Variants in TANGO6 observed in about 807,000 individuals in gnomAD.
TANGO6 encodes transport and Golgi organization protein 6 homolog.
Under a neutral mutation model 114.2 loss-of-function variants are expected in TANGO6, and 90 were observed. That is an observed-to-expected ratio of 0.79 (90% CI 0.66 to 0.94). TANGO6 has a LOEUF of 0.94. Among genes scored for constraint, TANGO6 ranks in the 40% least tolerant of loss-of-function variants. The probability of loss-of-function intolerance (pLI) is 0.00; values close to 1 mark genes in which losing one functional copy is unlikely to be tolerated. For synonymous variants in TANGO6, 477 were observed against 509.8 expected (o/e 0.94, Z 0.87); for missense variants, 1,274 against 1,315.3 (o/e 0.97, Z 0.49).
intron 15 of TANGO6, among the ~76,000 whole-genome samples, chr16:68,997,189 C>T (rs1347113719): frequency 3.3e-5 from 5 of 152,132 alleles, no homozygotes; most frequent in Admixed American, 3.3e-4. Flanking sequence ...GCCTAGGCGG[C>T]CATGAGGGTT....
At chr16:68,960,501 C>A (rs1248645940) in intron 14 of TANGO6, among the ~76,000 whole-genome samples, 4 of 151,344 alleles carry the variant, frequency 2.6e-5, no homozygotes, top group Admixed American at 6.6e-5. Flanking sequence ...AATTATTATT[C>A]TTATTTATTT....
At chr16:69,028,847 C>T in intron 16 of TANGO6, among the ~76,000 whole-genome samples, 1 of 142,312 alleles carries the variant, frequency 7.0e-6, no homozygotes, top group Non-Finnish European at 1.5e-5. Context: ...ACCACCATGC[C>T]CAGTTTAACA....
At chr16:68,893,480 C>T (rs192237157) in intron 7 of TANGO6, among the ~76,000 whole-genome samples, 1 of 152,218 alleles carries the variant, frequency 6.6e-6, no homozygotes, top group Non-Finnish European at 1.5e-5. Flanking sequence ...TGGCTCATGC[C>T]TGTAATCCCA....
intron 14 of TANGO6, among the ~76,000 whole-genome samples, chr16:68,941,245 G>C (rs1459032410): frequency 1.3e-5 from 2 of 152,178 alleles, no homozygotes; most frequent in African/African-American, 4.8e-5. Flanking sequence ...CTGTCAACTT[G>C]TTGGAAATGA....
At chr16:68,843,918 A>C (rs1309997887) in intron 1 of TANGO6, among the ~76,000 whole-genome samples, 1 of 152,172 alleles carries the variant, frequency 6.6e-6, no homozygotes, top group Admixed American at 6.5e-5. Flanking sequence ...GGATCCGTTG[A>C]CTGCTGATAT....
intron 7 of TANGO6, among the ~76,000 whole-genome samples, chr16:68,890,629 T>A (rs1962599708): frequency 6.6e-6 from 1 of 152,200 alleles, no homozygotes; most frequent in Non-Finnish European, 1.5e-5. Context: ...ACGCCTATAA[T>A]CCCAGCACAC....
intron 14 of TANGO6, among the ~76,000 whole-genome samples, chr16:68,940,851 T>C (rs1963346430): frequency 6.6e-6 from 1 of 152,208 alleles, no homozygotes; most frequent in Non-Finnish European, 1.5e-5. Flanking sequence ...ACATAATTTA[T>C]TTTTTACATT....
chr16:68,891,010 G>A (rs1273398216), intron 7 of TANGO6, among the ~76,000 whole-genome samples: 1 of 143,960 alleles, frequency 6.9e-6, no homozygotes, highest in Non-Finnish European at 1.5e-5. Flanking sequence ...GGGCAACAGA[G>A]TGAGACTCCA....
chr16:68,919,763 G>T (rs190702046), intron 12 of TANGO6, among the ~76,000 whole-genome samples: 1 of 152,082 alleles, frequency 6.6e-6, no homozygotes, highest in Non-Finnish European at 1.5e-5. Flanking sequence ...TATTGGCCGG[G>T]TGCGGTGGCT....
intron 17 of TANGO6, among the ~76,000 whole-genome samples, chr16:69,056,649 T>G (rs1450717996): frequency 6.6e-6 from 1 of 152,072 alleles, no homozygotes; most frequent in Non-Finnish European, 1.5e-5. Flanking sequence ...CAGGCCAAGT[T>G]CCTTGAAAGA....
intron 14 of TANGO6, among the ~76,000 whole-genome samples, chr16:68,966,638 T>G (rs943143570): frequency 6.6e-6 from 1 of 152,128 alleles, no homozygotes; most frequent in Admixed American, 6.5e-5. Flanking sequence ...AGGGTCTCCC[T>G]TTGTCACAAA....
At chr16:68,923,025 G>A (rs916229366) in intron 12 of TANGO6, among the ~76,000 whole-genome samples, 6 of 130,640 alleles carry the variant, frequency 4.6e-5, no homozygotes, top group African/African-American at 1.7e-4. Context: ...TCGGCTCACC[G>A]CAACCTCCGC....
At chr16:69,015,955 C>T (rs1160726691) in intron 15 of TANGO6, among the ~76,000 whole-genome samples, 1 of 152,172 alleles carries the variant, frequency 6.6e-6, no homozygotes, top group Non-Finnish European at 1.5e-5. Flanking sequence ...CTATTGCCCA[C>T]TCTCTTCTTC....
intron 7 of TANGO6, among the ~76,000 whole-genome samples, chr16:68,894,615 A>G (rs957632645): frequency 6.6e-6 from 1 of 152,064 alleles, no homozygotes; most frequent in Non-Finnish European, 1.5e-5. Context: ...CAGCTGGGAT[A>G]AAATTGGTAT....
intron 15 of TANGO6, among the ~76,000 whole-genome samples, chr16:68,976,308 T>C (rs979791851): frequency 4.6e-5 from 7 of 152,248 alleles, no homozygotes; most frequent in Admixed American, 2.0e-4. Flanking sequence ...TACAGTGTTA[T>C]TTGGCATACA....
chr16:68,991,500 G>A (rs1963945653), intron 15 of TANGO6, among the ~76,000 whole-genome samples: 1 of 152,126 alleles, frequency 6.6e-6, no homozygotes, highest in African/African-American at 2.4e-5. Flanking sequence ...AATTAGCCAG[G>A]TGTGGTGGTG....
At position 69,044,856 on chromosome 16, in the gene TANGO6, A is replaced by C. The variant is rs1022425046; in HGVS notation, c.3108+4435A>C. Among the ~76,000 whole-genome samples the C allele has an allele frequency of 2.0e-5, 3 of 152,154 alleles. No individual in the cohort carries two copies. In the South Asian group the frequency reaches 6.2e-4, roughly 32 times the overall value. On this transcript the variant is annotated intron_variant, in intron 17 of 17. Coordinates refer to ENST00000261778, the MANE Select transcript of TANGO6 (RefSeq NM_024562.2). ...ACGTAAGCAAGACCTTATCTGAAAA[A>C]GAAAAAAAATTTTAAAAGGCTGGGC...
intron 4 of TANGO6, among the ~76,000 whole-genome samples, chr16:68,870,921 C>T (rs912983297): frequency 2.0e-5 from 3 of 151,264 alleles, no homozygotes; most frequent in Admixed American, 2.0e-4. Context: ...GCTGGGATTA[C>T]AGGTGCCAGC....
intron 12 of TANGO6, among the ~76,000 whole-genome samples, chr16:68,920,998 G>A (rs1963083571): frequency 6.6e-6 from 1 of 150,972 alleles, no homozygotes; most frequent in Non-Finnish European, 1.5e-5. Flanking sequence ...AGCTACTCGG[G>A]AGGCTGAGGC....
Sources: gnomAD v4.1 joint callset for allele counts (sites outside exome capture counted in the v4.1 genomes callset) on GRCh38, gnomAD v4.1.1 for gene constraint, MANE v1.5 for transcripts, NCBI Gene and HGNC (gene_info 2026-07-23, HGNC 2026-07-21) for gene names.